PRIM2: variants seen among roughly 807,000 people sequenced by gnomAD.
PRIM2 encodes DNA primase large subunit.
PRIM2 carries 39 observed loss-of-function variants against 67.3 expected under a neutral mutation model. That is an observed-to-expected ratio of 0.58 (90% CI 0.45 to 0.76). The LOEUF is 0.76. Ranked by LOEUF, PRIM2 falls within the 30% of genes least tolerant of loss-of-function variation. The pLI is 0.00. For synonymous variants in PRIM2, 143 were observed against 198.7 expected (o/e 0.72, Z 2.36); for missense variants, 398 against 598.7 (o/e 0.66, Z 3.50).
At chr6:57,584,207 C>T (rs1776150337) in intron 10 of PRIM2, among the ~76,000 whole-genome samples, 1 of 152,144 alleles carries the variant, frequency 6.6e-6, no homozygotes, top group Non-Finnish European at 1.5e-5. Flanking sequence ...GACAAATAGC[C>T]CTCAAATCTT....
At chr6:57,232,022 T>C in the PRIM2 span, among the ~76,000 whole-genome samples, 1 of 152,240 alleles carries the variant, frequency 6.6e-6, no homozygotes, top group Non-Finnish European at 1.5e-5. Context: ...ATTACCATGT[T>C]TTCAGAGATT....
At chr6:57,606,942 A>G (rs1418741713) in intron 12 of PRIM2, among the ~76,000 whole-genome samples, 6 of 152,230 alleles carry the variant, frequency 3.9e-5, no homozygotes, top group Non-Finnish European at 8.8e-5. Flanking sequence ...ATAGTTTGTC[A>G]AAATACTTTG....
At chr6:57,407,939 G>A (rs1400108462) in intron 7 of PRIM2, among the ~76,000 whole-genome samples, 2 of 152,214 alleles carry the variant, frequency 1.3e-5, no homozygotes, top group African/African-American at 4.8e-5. Flanking sequence ...GAATTTTGCA[G>A]AGAGGGAAAC....
At chr6:57,370,458 T>G (rs1769508217) in intron 5 of PRIM2, among the ~76,000 whole-genome samples, 1 of 152,206 alleles carries the variant, frequency 6.6e-6, no homozygotes, top group Admixed American at 6.5e-5. Context: ...GAGAATTGTC[T>G]TGTATTTTCC....
the PRIM2 span, among the ~76,000 whole-genome samples, chr6:57,247,000 A>G: frequency 6.6e-6 from 1 of 151,980 alleles, no homozygotes; most frequent in Non-Finnish European, 1.5e-5. Context: ...GACTACAGGT[A>G]CCCACCACCA....
intron 7 of PRIM2, among the ~76,000 whole-genome samples, chr6:57,491,198 A>C (rs1773881192): frequency 6.6e-6 from 1 of 152,216 alleles, no homozygotes. Flanking sequence ...TTTTAGAATG[A>C]TAGCATAGAT....
At chr6:57,406,156 T>C (rs1407822117) in intron 7 of PRIM2, among the ~76,000 whole-genome samples, 2 of 152,302 alleles carry the variant, frequency 1.3e-5, no homozygotes, top group East Asian at 3.9e-4. Context: ...TGACCTTGTC[T>C]TTTTTAGGGA....
At chr6:57,234,952 C>T in the PRIM2 span, among the ~76,000 whole-genome samples, 19 of 152,272 alleles carry the variant, frequency 1.2e-4, no homozygotes, top group East Asian at 7.7e-4. Context: ...GCCAGAGGAT[C>T]GTCGGAGCCA....
intron 10 of PRIM2, among the ~76,000 whole-genome samples, chr6:57,594,562 A>T (rs1274826357): frequency 2.0e-5 from 3 of 152,246 alleles, no homozygotes; most frequent in Non-Finnish European, 4.4e-5. Context: ...AAGTGATTTA[A>T]TGGGAAAAAG....
chr6:57,484,145 C>T (rs1175468858), intron 7 of PRIM2, among the ~76,000 whole-genome samples: 24 of 152,150 alleles, frequency 1.6e-4, no homozygotes, highest in Admixed American at 1.4e-3. Context: ...TTACTTTATT[C>T]TGCTTATTCA....
chr6:57,282,293 A>G, the PRIM2 span, among the ~76,000 whole-genome samples: 1 of 152,166 alleles, frequency 6.6e-6, no homozygotes, highest in Non-Finnish European at 1.5e-5. Flanking sequence ...TGCTAAACAA[A>G]TATTTGTTCC....
At chr6:57,250,138 A>G in the PRIM2 span, among the ~76,000 whole-genome samples, 2 of 152,228 alleles carry the variant, frequency 1.3e-5, no homozygotes, top group South Asian at 4.1e-4. Context: ...TGCACCAGAC[A>G]ATTGATATAC....
chr6:57,375,303 T>C (rs1769724536), intron 5 of PRIM2, among the ~76,000 whole-genome samples: 1 of 152,250 alleles, frequency 6.6e-6, no homozygotes, highest in Non-Finnish European at 1.5e-5. Flanking sequence ...TTGAAGGCTT[T>C]TTCTGCATCT....
chr6:57,606,439 T>A lies in PRIM2; in HGVS notation c.1212T>A (p.Ser404=), dbSNP rs1416923232. Residue 404 remains serine, a synonymous_variant, in exon 12 of 14, where the codon TCT becomes TCA. Coordinates refer to ENST00000615550, the MANE Select transcript of PRIM2 (RefSeq NM_000947.5). The part of the protein sequence containing the change: ...LKQKLQSYKI[S]PGGISQILDL... ...AAAAGTTGCAGTCATACAAGATCTC[T>A]CCTGGAGGGATAAGCCAGGTAGGTC... The A allele has an allele frequency of 1.4e-5, 23 of 1,593,186 alleles. No individual in the cohort carries two copies. Among genetic ancestry groups the A allele is most frequent in the Non-Finnish European group, 1.8e-5 (21 of 1,166,408 alleles).
chr6:57,602,016 G>A (rs1361750031), intron 11 of PRIM2, among the ~76,000 whole-genome samples: 2 of 151,450 alleles, frequency 1.3e-5, no homozygotes, highest in African/African-American at 2.4e-5. Context: ...GCCAGCACTC[G>A]TCATATAGAT....
intron 6 of PRIM2, among the ~76,000 whole-genome samples, chr6:57,381,060 C>T (rs1318987975): frequency 6.6e-6 from 1 of 151,994 alleles, no homozygotes; most frequent in Non-Finnish European, 1.5e-5. Flanking sequence ...ACCCTCTTAC[C>T]TGCTCATCTG....
At chr6:57,604,953 G>A (rs1211681863) in intron 11 of PRIM2, among the ~76,000 whole-genome samples, 2 of 152,224 alleles carry the variant, frequency 1.3e-5, no homozygotes, top group African/African-American at 4.8e-5. Context: ...GCTTTCCAAA[G>A]TGCTGGGATT....
chr6:57,473,733 G>A (rs1452028891), intron 7 of PRIM2, among the ~76,000 whole-genome samples: 1 of 151,918 alleles, frequency 6.6e-6, no homozygotes, highest in African/African-American at 2.4e-5. Flanking sequence ...CTATATTTGG[G>A]GGACAAATAT....
intron 10 of PRIM2, among the ~76,000 whole-genome samples, chr6:57,590,559 C>G (rs1397831611): frequency 1.3e-5 from 2 of 152,104 alleles, no homozygotes; most frequent in Non-Finnish European, 2.9e-5. Flanking sequence ...TTAAACAGAA[C>G]TAACAGGATC....
Sources: gnomAD v4.1 joint callset for allele counts (sites outside exome capture counted in the v4.1 genomes callset) on GRCh38, gnomAD v4.1.1 for gene constraint, MANE v1.5 for transcripts, NCBI Gene and HGNC (gene_info 2026-07-23, HGNC 2026-07-21) for gene names.